ROBO2: variants seen among roughly 807,000 people sequenced by gnomAD.
The protein encoded by ROBO2 is roundabout homolog 2.
In ROBO2, 53 loss-of-function variants were observed where a neutral mutation model predicts 160.8. The ratio of observed to expected loss-of-function variants is 0.33; its 90% confidence interval spans 0.26 to 0.41. The LOEUF is 0.41. Ranked by LOEUF, ROBO2 falls within the 10% of genes least tolerant of loss-of-function variation. The pLI, the probability that ROBO2 is intolerant of heterozygous loss-of-function variation, is 1.00. For missense variants in ROBO2, 1,577 were observed against 1,722.4 expected, an observed-to-expected ratio of 0.92 and a Z score of 1.49; for synonymous variants, 664 against 611.7, an observed-to-expected ratio of 1.09 and a Z score of -1.26.
At chr3:77,213,770 T>A (rs543217053) in intron 2 of ROBO2, among the ~76,000 whole-genome samples, 2 of 152,312 alleles carry the variant, frequency 1.3e-5, no homozygotes, top group African/African-American at 4.8e-5. Flanking sequence ...GAGATTCTGG[T>A]ATGTTGTGTC....
At chr3:76,325,071 C>CTCCA (rs1340126356) in intron 2 of ROBO2, among the ~76,000 whole-genome samples, 2 of 152,238 alleles carry the variant, frequency 1.3e-5, no homozygotes, top group Non-Finnish European at 2.9e-5. Flanking sequence ...CACCACTGCA[C>CTCCA]TCCAGCCTGC....
chr3:76,825,745 G>A (rs536280866), intron 2 of ROBO2, among the ~76,000 whole-genome samples: 3 of 151,230 alleles, frequency 2.0e-5, no homozygotes, highest in African/African-American at 4.9e-5. Flanking sequence ...GTGAGAAAAC[G>A]AAAACCAAAG....
chr3:76,198,158 A>G (rs1455022279), intron 2 of ROBO2, among the ~76,000 whole-genome samples: 1 of 151,124 alleles, frequency 6.6e-6, no homozygotes, highest in Non-Finnish European at 1.5e-5. Context: ...CTCTTCCCTC[A>G]GGACATGGTG....
At chr3:75,993,893 C>T (rs1576412389) in intron 2 of ROBO2, among the ~76,000 whole-genome samples, 1 of 152,188 alleles carries the variant, frequency 6.6e-6, no homozygotes, top group Admixed American at 6.5e-5. Context: ...CCAGACCCAA[C>T]CCCTCCACCA....
chr3:76,920,055 A>G (rs1178096794), intron 2 of ROBO2, among the ~76,000 whole-genome samples: 1 of 152,202 alleles, frequency 6.6e-6, no homozygotes, highest in African/African-American at 2.4e-5. Flanking sequence ...CCCTTGTTTA[A>G]ACAGCAGAAA....
chr3:77,503,523 CTAAA>C (rs567091666), intron 5 of ROBO2, among the ~76,000 whole-genome samples: 4,214 of 144,492 alleles, frequency 0.029, 120 homozygotes, highest in African/African-American at 0.071. Flanking sequence ...GAGTCCGTCT[CTAAA>C]TAAATAAATA....
At chr3:77,600,587 C>T (rs1207113112) in intron 19 of ROBO2, among the ~76,000 whole-genome samples, 1 of 152,096 alleles carries the variant, frequency 6.6e-6, no homozygotes, top group Non-Finnish European at 1.5e-5. Context: ...ACTTTAAATT[C>T]AAGGTGTGTG....
chr3:77,258,923 G>T (rs2058602099), intron 2 of ROBO2, among the ~76,000 whole-genome samples: 1 of 152,184 alleles, frequency 6.6e-6, no homozygotes, highest in Admixed American at 6.5e-5. Flanking sequence ...GATGGTGCTG[G>T]ATTCTGTCTT....
chr3:76,755,959 T>C (rs1224203444), intron 2 of ROBO2, among the ~76,000 whole-genome samples: 2 of 151,778 alleles, frequency 1.3e-5, no homozygotes, highest in East Asian at 3.9e-4. Context: ...GTATGAGAAG[T>C]AAAAAAGCTA....
At chr3:77,387,431 C>A (rs1490157218) in intron 2 of ROBO2, among the ~76,000 whole-genome samples, 2 of 151,704 alleles carry the variant, frequency 1.3e-5, no homozygotes, top group Non-Finnish European at 2.9e-5. Flanking sequence ...AATCAAGCAC[C>A]ATGTTGGGTC....
At chr3:76,985,575 G>GAAAAAAAAAAAAAAA (rs532632866) in intron 2 of ROBO2, among the ~76,000 whole-genome samples, 1 of 26,358 alleles carries the variant, frequency 3.8e-5, no homozygotes, top group Non-Finnish European at 6.6e-5. Flanking sequence ...GACTCCGTCT[G>GAAAAAAAAAAAAAAA]AAAAAAAAAA....
chr3:76,205,250 C>A (rs1352404461), intron 2 of ROBO2, among the ~76,000 whole-genome samples: 1 of 152,102 alleles, frequency 6.6e-6, no homozygotes, highest in Non-Finnish European at 1.5e-5. Flanking sequence ...TATTTTGTAC[C>A]CGTGAGTTCA....
intron 2 of ROBO2, among the ~76,000 whole-genome samples, chr3:77,314,044 A>G (rs921230838): frequency 8.5e-5 from 13 of 152,338 alleles, no homozygotes; most frequent in African/African-American, 2.9e-4. Flanking sequence ...CTCTGGTGAT[A>G]GTGGCTGAGG....
intron 2 of ROBO2, among the ~76,000 whole-genome samples, chr3:77,173,588 G>A (rs919736963): frequency 4.6e-5 from 7 of 151,660 alleles, no homozygotes; most frequent in South Asian, 2.1e-4. Context: ...TTTATGACCC[G>A]CAATTTCCTC....
chr3:77,068,879 C>T (rs72904040), intron 1 of ROBO2, among the ~76,000 whole-genome samples: 5,558 of 152,150 alleles, frequency 0.037, 349 homozygotes, highest in African/African-American at 0.13. Context: ...GATCCGCAAA[C>T]TATAATAAAT....
rs988668345 is a variant in ROBO2 at position 76,316,125 on chromosome 3, C to T, written c.109+378523C>T. On this transcript the variant is annotated intron_variant, in intron 2 of 26. Transcript: ENST00000487694. ...ACTCCTGATAAGGGTCTATGTTCAG[C>T]GGTGCACGTATTGTCTTGATAAACA... is the stretch of plus-strand genomic sequence containing the variant. Among the ~76,000 whole-genome samples the T allele has an allele frequency of 7.2e-5, 11 of 152,040 alleles. 1 individual carries two copies. Among genetic ancestry groups the T allele is most frequent in the African/African-American group, 1.5e-4 (6 of 41,378 alleles).
chr3:76,787,921 G>T (rs539902229), intron 2 of ROBO2, among the ~76,000 whole-genome samples: 1 of 151,402 alleles, frequency 6.6e-6, no homozygotes, highest in Admixed American at 6.6e-5. Flanking sequence ...TACGTATATA[G>T]AGCAGAAACA....
At chr3:76,268,555 A>C (rs1359276526) in intron 2 of ROBO2, among the ~76,000 whole-genome samples, 1 of 152,100 alleles carries the variant, frequency 6.6e-6, no homozygotes. Flanking sequence ...GCACAGAAAA[A>C]GAAAGATCTT....
intron 2 of ROBO2, among the ~76,000 whole-genome samples, chr3:76,609,088 A>C (rs2087879044): frequency 6.6e-6 from 1 of 152,132 alleles, no homozygotes; most frequent in African/African-American, 2.4e-5. Context: ...GCTCCATCCA[A>C]GTTTACAGCA....
Sources: allele counts gnomAD v4.1 joint callset (sites outside exome capture counted in the v4.1 genomes callset), GRCh38; gene constraint gnomAD v4.1.1; transcripts MANE v1.5; gene names NCBI Gene and HGNC (gene_info 2026-07-23, HGNC 2026-07-21).